The following KANSL1L variants were observed in gnomAD, a reference collection of about 807,000 sequenced individuals.
The protein encoded by KANSL1L is KAT8 regulatory NSL complex subunit 1-like protein.
In KANSL1L, 25 loss-of-function variants were observed where a neutral mutation model predicts 108.6. The observed-to-expected ratio is 0.23, with a 90% CI of 0.17 to 0.32. The LOEUF is 0.32. Ranked by LOEUF, KANSL1L falls within the 10% of genes least tolerant of loss-of-function variation. The probability of loss-of-function intolerance (pLI) is 1.00; values close to 1 mark genes in which losing one functional copy is unlikely to be tolerated. For synonymous variants in KANSL1L, 405 were observed against 395.1 expected, an observed-to-expected ratio of 1.03 and a Z score of -0.30; for missense variants, 1,137 against 1,125.7, an observed-to-expected ratio of 1.01 and a Z score of -0.14.
At chr2:210,084,706 C>T (rs1416430191) in intron 5 of KANSL1L, among the ~76,000 whole-genome samples, 1 of 152,014 alleles carries the variant, frequency 6.6e-6, no homozygotes, top group Non-Finnish European at 1.5e-5. Context: ...CTCCGGCTCC[C>T]AGGATCAAGC....
intron 3 of KANSL1L, among the ~76,000 whole-genome samples, chr2:210,108,684 T>C (rs2094875220): frequency 6.6e-6 from 1 of 152,216 alleles, no homozygotes; most frequent in South Asian, 2.1e-4. Context: ...TGCGGTGATC[T>C]TGAAACGACT....
chr2:210,152,025 T>C (rs1298707943), intron 2 of KANSL1L: 5 of 152,326 alleles, frequency 3.3e-5, no homozygotes, highest in South Asian at 2.1e-4. Flanking sequence ...GTTTGTTACA[T>C]AGATAAATCT....
At position 210,153,682 on chromosome 2, in the gene KANSL1L, C is replaced by T. The variant is rs1427075067; in HGVS notation, c.901G>A (p.Ala301Thr). Residue 301 changes from alanine (A) to threonine (T), a missense_variant, in exon 2 of 15, where the codon GCA becomes ACA. Physicochemically the swap from Ala to Thr is moderately conservative, Grantham distance 58. Coordinates refer to ENST00000281772, the MANE Select transcript of KANSL1L (RefSeq NM_152519.4). The stretch of plus-strand genomic sequence containing the variant: ...GCATCATCCCACAATTTATTCTCTG[C>T]AGTCAATGTGTTAACTTCTGGCTTA... ...EIKPEVNTLT[A>T]ENKLWDDAKN... 1 of 1,608,258 alleles carries T rather than the reference C, an allele frequency of 6.2e-7. No individual in the cohort carries two copies. Among genetic ancestry groups the T allele is most frequent in the Non-Finnish European group, 8.5e-7 (1 of 1,177,322 alleles).
chr2:210,112,325 A>G (rs916499395), intron 3 of KANSL1L, among the ~76,000 whole-genome samples: 2 of 152,144 alleles, frequency 1.3e-5, no homozygotes, highest in African/African-American at 4.8e-5. Context: ...CCTTCCTTAC[A>G]CCTTATACAA....
At chr2:210,104,688 A>G (rs1261099441) in intron 3 of KANSL1L, among the ~76,000 whole-genome samples, 1 of 152,156 alleles carries the variant, frequency 6.6e-6, no homozygotes, top group African/African-American at 2.4e-5. Context: ...TAGCATTGCT[A>G]TTTGTGCTTT....
intron 5 of KANSL1L, among the ~76,000 whole-genome samples, chr2:210,084,333 A>G (rs2094616921): frequency 6.6e-6 from 1 of 152,030 alleles, no homozygotes; most frequent in African/African-American, 2.4e-5. Context: ...GAAGCAGGAA[A>G]ATCGCTTGAA....
At chr2:210,054,335 A>G (rs1364878339) in intron 6 of KANSL1L, among the ~76,000 whole-genome samples, 2 of 151,822 alleles carry the variant, frequency 1.3e-5, no homozygotes, top group Non-Finnish European at 2.9e-5. Flanking sequence ...AAAAAAAAAA[A>G]AAAAATGGTA....
At chr2:210,096,833 A>G (rs1359998842) in intron 5 of KANSL1L, 1 of 889,724 alleles carries the variant, frequency 1.1e-6, no homozygotes, top group Non-Finnish European at 1.3e-6. Flanking sequence ...ACAATAGAAC[A>G]ATGGATACAT....
chr2:210,040,177 T>G (rs994850939), intron 8 of KANSL1L: 1 of 381,196 alleles, frequency 2.6e-6, no homozygotes, highest in Non-Finnish European at 4.7e-6. Flanking sequence ...TTCTCCACAT[T>G]TATTTAAATT....
intron 8 of KANSL1L, among the ~76,000 whole-genome samples, chr2:210,038,368 T>C (rs2094130475): frequency 6.6e-6 from 1 of 152,020 alleles, no homozygotes; most frequent in African/African-American, 2.4e-5. Flanking sequence ...CGCCTTGTAA[T>C]GCATTTTGCA....
chr2:210,172,106 A>T (rs1688372104), upstream of KANSL1L, among the ~76,000 whole-genome samples: 1 of 152,156 alleles, frequency 6.6e-6, no homozygotes, highest in African/African-American at 2.4e-5. Context: ...AACGGAGTTT[A>T]TGTGGAGATA....
chr2:210,046,465 T>C lies in KANSL1L; in HGVS notation c.1756-2361A>G, dbSNP rs368801444. The stretch of plus-strand genomic sequence containing the variant: ...ACCAACATATTACATGCTTCCAAAA[T>C]ACTATGGTGGGAGAGGCATAGGATA... On this transcript the variant is annotated intron_variant, in intron 6 of 14. Coordinates refer to ENST00000281772, the MANE Select transcript of KANSL1L (RefSeq NM_152519.4). 5.3e-5 allele frequency among the ~76,000 whole-genome samples: 8 copies of C among 152,210 alleles called. No homozygotes were observed. The East Asian group carries it at 1.6e-3, about 29-fold the overall frequency.
intron 6 of KANSL1L, among the ~76,000 whole-genome samples, chr2:210,068,241 T>C (rs1417385623): frequency 6.6e-6 from 1 of 152,214 alleles, no homozygotes; most frequent in Non-Finnish European, 1.5e-5. Flanking sequence ...CACTTTACTA[T>C]TTTAAAGTAT....
chr2:210,071,370 CG>C (rs2094506726), intron 6 of KANSL1L, among the ~76,000 whole-genome samples: 1 of 151,818 alleles, frequency 6.6e-6, no homozygotes, highest in African/African-American at 2.4e-5. Context: ...CAGGTTCAAG[CG>C]ATTCTCATGC....
intron 10 of KANSL1L, 187 bp from the exon 11 acceptor site, chr2:210,029,156 A>G: frequency 1.9e-6 from 1 of 524,872 alleles, no homozygotes; most frequent in Non-Finnish European, 3.3e-6. Flanking sequence ...TTTGTAAATC[A>G]GAACAATCTC....
intron 12 of KANSL1L, chr2:210,026,468 T>A (rs2093938105): frequency 6.6e-6 from 1 of 152,236 alleles, no homozygotes; most frequent in African/African-American, 2.4e-5. Context: ...TGTGAGGCTA[T>A]TTTTAGTGTT....
At chr2:210,073,067 G>T (rs2094518306) in intron 6 of KANSL1L, among the ~76,000 whole-genome samples, 1 of 151,886 alleles carries the variant, frequency 6.6e-6, no homozygotes, top group Non-Finnish European at 1.5e-5. Context: ...TTATTTTGAT[G>T]CCAAATAGTC....
At chr2:210,025,248 TC>T (rs1252743456) in intron 12 of KANSL1L, 32 bp from the exon 13 acceptor site, 5 of 1,310,318 alleles carry the variant, frequency 3.8e-6, no homozygotes, top group Admixed American at 3.4e-5. Context: ...TTTGTTTTAA[TC>T]AGAAACATTT....
chr2:210,083,680 T>A (rs2094609570), intron 5 of KANSL1L, among the ~76,000 whole-genome samples: 1 of 151,602 alleles, frequency 6.6e-6, no homozygotes, highest in African/African-American at 2.4e-5. Flanking sequence ...TACAAAAAAA[T>A]TAGCCGGGCG....
Sources: gnomAD v4.1 joint callset for allele counts (sites outside exome capture counted in the v4.1 genomes callset) on GRCh38, gnomAD v4.1.1 for gene constraint, MANE v1.5 for transcripts, NCBI Gene and HGNC (gene_info 2026-07-23, HGNC 2026-07-21) for gene names.